Variants in LAMA2 observed in about 807,000 individuals in gnomAD.
LAMA2 encodes laminin subunit alpha 2.
A neutral mutation model predicts 364.8 loss-of-function variants in LAMA2; 269 were observed. The ratio of observed to expected loss-of-function variants is 0.74; its 90% CI spans 0.67 to 0.82. The LOEUF is 0.82. Ranked by LOEUF, LAMA2 falls within the 40% of genes least tolerant of loss-of-function variation. The probability of loss-of-function intolerance (pLI) is 0.00; values close to 1 mark genes in which losing one functional copy is unlikely to be tolerated. For missense variants in LAMA2, 3,807 were observed against 3,873.2 expected (o/e 0.98, Z 0.45); for synonymous variants, 1,379 against 1,370.6 (o/e 1.01, Z -0.14).
At chr6:129,486,411 T>A in intron 55 of LAMA2, 63 bp from the exon 56 acceptor site, 2 of 1,518,762 alleles carry the variant, frequency 1.3e-6, no homozygotes, top group Non-Finnish European at 1.8e-6. Flanking sequence ...TGCCAGGGAA[T>A]CTCTAAAGCT....
intron 29 of LAMA2, among the ~76,000 whole-genome samples, chr6:129,338,034 C>A (rs151202509): frequency 2.0e-5 from 3 of 152,238 alleles, no homozygotes; most frequent in African/African-American, 4.8e-5. Context: ...ATGTCAGCAA[C>A]CCTCTGAAAG....
chr6:129,457,217 A>G (rs943262885), intron 48 of LAMA2, among the ~76,000 whole-genome samples: 1 of 152,142 alleles, frequency 6.6e-6, no homozygotes, highest in African/African-American at 2.4e-5. Context: ...CTCAACCTTC[A>G]TATAGAATGA....
chr6:129,057,497 T>A (rs1788567693), intron 2 of LAMA2, among the ~76,000 whole-genome samples: 1 of 152,222 alleles, frequency 6.6e-6, no homozygotes, highest in Admixed American at 6.5e-5. Context: ...TTGGAGGTTA[T>A]TATTACTTGG....
chr6:129,200,444 A>T (rs975265601), intron 12 of LAMA2, among the ~76,000 whole-genome samples: 1 of 149,796 alleles, frequency 6.7e-6, no homozygotes, highest in South Asian at 2.1e-4. Context: ...ACATATACAT[A>T]TATGTATATA....
intron 49 of LAMA2, among the ~76,000 whole-genome samples, chr6:129,462,550 T>C (rs1783311048): frequency 6.6e-6 from 1 of 152,018 alleles, no homozygotes; most frequent in Non-Finnish European, 1.5e-5. Flanking sequence ...GTGATATGTA[T>C]ACTGAAATAA....
intron 12 of LAMA2, among the ~76,000 whole-genome samples, chr6:129,212,791 A>T (rs1783184851): frequency 6.6e-6 from 1 of 152,250 alleles, no homozygotes; most frequent in Admixed American, 6.5e-5. Context: ...ATAAACAGAT[A>T]CAATAATATT....
intron 45 of LAMA2, among the ~76,000 whole-genome samples, chr6:129,446,844 C>T (rs1259315998): frequency 1.3e-5 from 2 of 151,672 alleles, no homozygotes; most frequent in African/African-American, 4.9e-5. Flanking sequence ...ACAGTAAGTT[C>T]AAGGTGAACA....
At chr6:129,022,347 C>T (rs1160380355) in intron 1 of LAMA2, among the ~76,000 whole-genome samples, 2 of 152,086 alleles carry the variant, frequency 1.3e-5, no homozygotes, top group Non-Finnish European at 2.9e-5. Context: ...TTTGCTTATT[C>T]TACATTTTTG....
At chr6:129,119,750 G>A (rs1776697333) in intron 4 of LAMA2, among the ~76,000 whole-genome samples, 3 of 152,078 alleles carry the variant, frequency 2.0e-5, no homozygotes, top group South Asian at 4.1e-4. Flanking sequence ...GGGTTTCACC[G>A]TGTTAGCCAG....
intron 1 of LAMA2, among the ~76,000 whole-genome samples, chr6:128,934,022 G>A (rs370962953): frequency 6.2e-4 from 94 of 152,274 alleles, no homozygotes; most frequent in African/African-American, 2.1e-3. Context: ...AAGACTGATG[G>A]CAAGGAGCCT....
At chr6:129,128,863 C>A (rs1777277162) in intron 4 of LAMA2, among the ~76,000 whole-genome samples, 1 of 152,014 alleles carries the variant, frequency 6.6e-6, no homozygotes, top group African/African-American at 2.4e-5. Flanking sequence ...AAATCTTTTC[C>A]ATGGTGAATG....
Position 129,073,804 on chromosome 6 carries a change from T to A in LAMA2, c.396+13908T>A, listed in dbSNP as rs1190241706. Among the ~76,000 whole-genome samples, 5 of 152,216 alleles carry A rather than the reference T, an allele frequency of 3.3e-5. No individual in the cohort carries two copies. In the East Asian group the frequency reaches 9.6e-4, roughly 29 times the overall value. On this transcript the variant is annotated intron_variant, in intron 3 of 64. Transcript: ENST00000421865. ...TTAATAACAGTTATTTTAAATTATA[T>A]GTCTGATAACTCTGACGTTGGAAAC... is the stretch of plus-strand genomic sequence containing the variant.
chr6:128,994,376 A>G (rs552400188), intron 1 of LAMA2, among the ~76,000 whole-genome samples: 6 of 152,322 alleles, frequency 3.9e-5, no homozygotes, highest in South Asian at 2.1e-4. Flanking sequence ...CCATCATACC[A>G]TATACACACC....
chr6:129,398,472 CTTTT>C (rs71028159), intron 37 of LAMA2, among the ~76,000 whole-genome samples: 2 of 110,548 alleles, frequency 1.8e-5, no homozygotes, highest in African/African-American at 3.6e-5. Context: ...CTTTTCTTTT[CTTTT>C]TTTTTTTTTT....
chr6:129,198,241 A>G (rs1348160938), intron 12 of LAMA2, among the ~76,000 whole-genome samples: 2 of 151,438 alleles, frequency 1.3e-5, no homozygotes, highest in Non-Finnish European at 2.9e-5. Context: ...ATTATTAAAT[A>G]TTATTAAATA....
At chr6:129,193,499 C>A (rs752250631) in intron 12 of LAMA2, among the ~76,000 whole-genome samples, 4 of 152,106 alleles carry the variant, frequency 2.6e-5, no homozygotes, top group Non-Finnish European at 5.9e-5. Flanking sequence ...TTATTTTTTT[C>A]TGTTGTGGAT....
chr6:129,196,634 C>T (rs1781869271), intron 12 of LAMA2, among the ~76,000 whole-genome samples: 1 of 152,128 alleles, frequency 6.6e-6, no homozygotes, highest in Non-Finnish European at 1.5e-5. Flanking sequence ...AAGTGGAGTT[C>T]AAACCCCTCC....
chr6:129,206,692 C>T (rs1183236296), intron 12 of LAMA2, among the ~76,000 whole-genome samples: 1 of 152,300 alleles, frequency 6.6e-6, no homozygotes, highest in Non-Finnish European at 1.5e-5. Flanking sequence ...TGAGTCAAAG[C>T]AGTTGCTCTC....
In LAMA2 at chr6:129,200,338, ACG is replaced by A. The variant is rs1182636936; in HGVS notation, c.1782+7486_1782+7487del. Among the ~76,000 whole-genome samples the A allele has an allele frequency of 3.8e-3, 523 of 136,212 alleles. 31 individuals are homozygous for A. Among genetic ancestry groups the A allele is most frequent in the Non-Finnish European group, 4.9e-3 (314 of 64,048 alleles). The allele number at this position is 136,212 out of a possible 152,430, so 89.4% of individuals were successfully genotyped here. ...TATACGTGTACACATATACATATACACGTATATGTGTACACATATACATATAC... is the reference window on the plus strand; with the variant it reads ...TATACGTGTACACATATACATATACATATATGTGTACACATATACATATAC... On this transcript the variant is annotated intron_variant, in intron 12 of 64. Coordinates refer to ENST00000421865, the MANE Select transcript of LAMA2 (RefSeq NM_000426.4).
Sources: allele counts gnomAD v4.1 joint callset (sites outside exome capture counted in the v4.1 genomes callset), GRCh38; gene constraint gnomAD v4.1.1; transcripts MANE v1.5; gene names NCBI Gene and HGNC (gene_info 2026-07-23, HGNC 2026-07-21).